SMAD5: variants seen among roughly 807,000 people sequenced by gnomAD.
SMAD5 encodes SMAD family member 5, also known as MAD, mothers against decapentaplegic homolog 5.
A neutral mutation model predicts 43.1 loss-of-function variants in SMAD5; 9 were observed. The ratio of observed to expected loss-of-function variants is 0.21; its 90% CI spans 0.13 to 0.36. The LOEUF (loss-of-function observed/expected upper bound fraction) is 0.36, where lower values mean the gene tolerates loss of function less well. Ranked by LOEUF, SMAD5 falls within the 10% of genes least tolerant of loss-of-function variation. The probability of loss-of-function intolerance (pLI) is 1.00; values close to 1 mark genes in which losing one functional copy is unlikely to be tolerated. For missense variants in SMAD5, 348 were observed against 574.0 expected (o/e 0.61, Z 4.02); for synonymous variants, 190 against 192.4 (o/e 0.99, Z 0.10).
chr5:136,138,984 T>C (rs562721690), intron 1 of SMAD5, among the ~76,000 whole-genome samples: 10 of 152,188 alleles, frequency 6.6e-5, no homozygotes, highest in Non-Finnish European at 1.3e-4. Context: ...TCAGGAGATT[T>C]TGTTTTGGCC....
At chr5:136,145,516 ATGCCAT>A (rs1753230761) in intron 1 of SMAD5, among the ~76,000 whole-genome samples, 1 of 151,878 alleles carries the variant, frequency 6.6e-6, no homozygotes, top group African/African-American at 2.4e-5. Flanking sequence ...AGAAAGCATT[ATGCCAT>A]TTACTTTGCA....
At chr5:136,175,078 G>T (rs576921922) in intron 7 of SMAD5, among the ~76,000 whole-genome samples, 1 of 152,246 alleles carries the variant, frequency 6.6e-6, no homozygotes, top group Admixed American at 6.5e-5. Context: ...CTTACATGGC[G>T]GCAGGCAAGA....
chr5:136,146,580 G>T lies in SMAD5; in HGVS notation c.-244-1252G>T, dbSNP rs187542167. On this transcript the variant is annotated intron_variant, in intron 1 of 7. Transcript: ENST00000545279. The stretch of plus-strand genomic sequence containing the variant: ...GTATTTTATTTTTTGTATACATAAT[G>T]AGAAATTTTTTCATAACCGAGTACT... Among the ~76,000 whole-genome samples the T allele has an allele frequency of 4.5e-3, 687 of 151,850 alleles. 7 individuals are homozygous for T. Among genetic ancestry groups the T allele is most frequent in the African/African-American group, 0.016 (644 of 41,504 alleles).
intron 2 of SMAD5, among the ~76,000 whole-genome samples, 160 bp downstream of exon 2, chr5:136,148,066 T>A (rs1285117675): frequency 6.6e-6 from 1 of 151,786 alleles, no homozygotes; most frequent in African/African-American, 2.4e-5. Flanking sequence ...AGGTCTGATT[T>A]TATCTTGAAG....
chr5:136,161,030 A>T lies in SMAD5; in HGVS notation c.578A>T (p.Tyr193Phe). 6.2e-7 allele frequency: 1 copy of T among 1,613,672 alleles called. No homozygotes were observed. The highest frequency in any genetic ancestry group is 8.5e-7 in the Non-Finnish European group (1 of 1,179,826). Residue 193 changes from tyrosine to phenylalanine, a missense_variant, in exon 4 of 8, where the codon TAT becomes TTT. Tyr to Phe is a conservative substitution (Grantham distance 22). This residue lies in a region of SMAD5 where 185 missense variants were observed against 207.0 expected (regional missense o/e 0.89). Transcript: ENST00000545279. ...TPFPLSPNSPYPPSPASSTYP... is the reference protein window; with the variant it reads ...TPFPLSPNSPFPPSPASSTYP... ...TTTCCCTTATCTCCAAACAGCCCTTATCCCCCTTCTCCTGCTAGCAGCACA... is the reference window on the plus strand; with the variant it reads ...TTTCCCTTATCTCCAAACAGCCCTTTTCCCCCTTCTCCTGCTAGCAGCACA...
intron 1 of SMAD5, among the ~76,000 whole-genome samples, chr5:136,142,653 C>G (rs1753122521): frequency 6.6e-6 from 1 of 152,058 alleles, no homozygotes; most frequent in Non-Finnish European, 1.5e-5. Flanking sequence ...AAGATAATAG[C>G]AGATAATGGG....
At chr5:136,165,490 C>T (rs1753967686) in intron 5 of SMAD5, among the ~76,000 whole-genome samples, 2 of 151,706 alleles carry the variant, frequency 1.3e-5, no homozygotes, top group African/African-American at 4.8e-5. Context: ...GTTGTGTGAC[C>T]ATCACCACCA....
At chr5:136,172,265 G>A (rs1019731073) in intron 5 of SMAD5, among the ~76,000 whole-genome samples, 169 bp from the exon 6 acceptor site, 2 of 152,180 alleles carry the variant, frequency 1.3e-5, no homozygotes, top group African/African-American at 4.8e-5. Flanking sequence ...CTGATTTCTA[G>A]TGCTTGTTTT....
intron 1 of SMAD5, chr5:136,147,398 T>C (rs1753295521): frequency 6.6e-6 from 1 of 151,752 alleles, no homozygotes; most frequent in Non-Finnish European, 1.5e-5. Flanking sequence ...AACTATACAA[T>C]CTTATGATAA....
chr5:136,161,046 T>C lies in SMAD5; in HGVS notation c.594T>C (p.Ala198=). 6.2e-7 allele frequency: 1 copy of C among 1,613,640 alleles called. No individual in the cohort carries two copies. Among genetic ancestry groups the C allele is most frequent in the South Asian group, 1.1e-5 (1 of 91,060 alleles). ...SPNSPYPPSP[A]SSTYPNSPAS... ...ACAGCCCTTATCCCCCTTCTCCTGC[T>C]AGCAGCACATATCCCAACTCCCCAG... is the stretch of plus-strand genomic sequence containing the variant. The change falls in exon 4 of 8, where the codon GCT becomes GCC. Residue 198 remains alanine (A), a synonymous_variant. Coordinates refer to ENST00000545279, the MANE Select transcript of SMAD5 (RefSeq NM_005903.7).
intron 1 of SMAD5, among the ~76,000 whole-genome samples, chr5:136,140,124 G>A (rs1277438205): frequency 6.6e-6 from 1 of 151,270 alleles, no homozygotes; most frequent in Non-Finnish European, 1.5e-5. Context: ...CCGGGCTCAA[G>A]CAATTCTCCT....
intron 5 of SMAD5, among the ~76,000 whole-genome samples, chr5:136,169,601 T>C (rs1209202291): frequency 6.6e-6 from 1 of 152,214 alleles, no homozygotes; most frequent in Non-Finnish European, 1.5e-5. Flanking sequence ...ATGTGCAGAT[T>C]TTTTATGTGG....
chr5:136,138,487 A>C (rs562159736), intron 1 of SMAD5, among the ~76,000 whole-genome samples: 2 of 152,176 alleles, frequency 1.3e-5, no homozygotes, highest in Non-Finnish European at 2.9e-5. Context: ...GCTGTGAGCA[A>C]ACATGCTTTT....
chr5:136,140,004 C>T (rs924669725), intron 1 of SMAD5, among the ~76,000 whole-genome samples: 12 of 151,290 alleles, frequency 7.9e-5, no homozygotes, highest in Non-Finnish European at 1.5e-4. Flanking sequence ...TGAGCCACCA[C>T]GCCTGGCCCA....
In SMAD5 at chr5:136,178,807, C is replaced by G. The variant is rs545117119; in HGVS notation, c.*1327C>G. The G allele has an allele frequency of 3.9e-5, 6 of 152,508 alleles. No individual in the cohort carries two copies. The highest frequency in any genetic ancestry group is 7.3e-5 in the Non-Finnish European group (5 of 68,218). The allele number at this position is 152,508 out of a possible 1,614,324, so 9.4% of individuals were successfully genotyped here. On this transcript the variant is annotated 3_prime_UTR_variant, in exon 8 of 8. Transcript: ENST00000545279. ...CAGTGGCTCACACCTGTAATCCCAG[C>G]ACTTTGGGAGGCTGAGGCAGGCAGA...
Position 136,182,402 on chromosome 5 carries a change from T to G in SMAD5, c.*4922T>G, listed in dbSNP as rs1754661164. The G allele has an allele frequency of 6.6e-6, 1 of 152,390 alleles. No individual in the cohort carries two copies. The allele number at this position is 152,390 out of a possible 1,614,324, so 9.4% of individuals were successfully genotyped here. A position where few individuals can be genotyped will look rare whatever the true frequency, so the allele number is the denominator to read the frequency against. On this transcript the variant is annotated 3_prime_UTR_variant, in exon 8 of 8. Coordinates refer to ENST00000545279, the MANE Select transcript of SMAD5 (RefSeq NM_005903.7). Reference sequence around the variant, plus strand: ...GTTGGCGTAAGTTGTATTTTGAAATTCACTTATTTTAAAATCGAAGAGGAT... The same window carrying G: ...GTTGGCGTAAGTTGTATTTTGAAATGCACTTATTTTAAAATCGAAGAGGAT...
intron 7 of SMAD5, among the ~76,000 whole-genome samples, chr5:136,175,347 T>C (rs1012745897): frequency 6.6e-6 from 1 of 152,192 alleles, no homozygotes; most frequent in African/African-American, 2.4e-5. Flanking sequence ...GTTTTGATTA[T>C]TATTACTAGA....
intron 1 of SMAD5, among the ~76,000 whole-genome samples, chr5:136,138,426 G>A (rs1225470846): frequency 6.6e-6 from 1 of 152,204 alleles, no homozygotes; most frequent in Non-Finnish European, 1.5e-5. Flanking sequence ...ATTGTATCCT[G>A]TCTTTCTTGT....
intron 3 of SMAD5, among the ~76,000 whole-genome samples, chr5:136,157,236 G>T (rs900638779): frequency 6.6e-6 from 1 of 152,026 alleles, no homozygotes; most frequent in Non-Finnish European, 1.5e-5. Context: ...AGTAAGTTTT[G>T]CAAAAAGATA....
Sources: gnomAD v4.1 joint callset for allele counts (sites outside exome capture counted in the v4.1 genomes callset) on GRCh38, gnomAD v4.1.1 for gene constraint, gnomAD v4.1.1 regional missense constraint, MANE v1.5 for transcripts, NCBI Gene and HGNC (gene_info 2026-07-23, HGNC 2026-07-21) for gene names.